ADAMTS20: variants seen among roughly 807,000 people sequenced by gnomAD.
ADAMTS20 encodes the protein A disintegrin and metalloproteinase with thrombospondin motifs 20.
In ADAMTS20, 225 loss-of-function variants were observed where a neutral mutation model predicts 260.1. That is an observed-to-expected ratio of 0.87 (90% CI 0.78 to 0.97). The LOEUF (loss-of-function observed/expected upper bound fraction) is 0.97. Among genes scored for constraint, ADAMTS20 ranks in the 50% least tolerant of loss-of-function variants. The pLI is 0.00. For synonymous variants in ADAMTS20, 802 were observed against 769.5 expected, an observed-to-expected ratio of 1.04 and a Z score of -0.70; for missense variants, 2,400 against 2,337.7, an observed-to-expected ratio of 1.03 and a Z score of -0.55.
Position 43,354,122 on chromosome 12 carries a change from A to G in ADAMTS20, c.*87T>C. 5 of 1,010,486 alleles carry G rather than the reference A, an allele frequency of 4.9e-6. No individual in the cohort carries two copies. The highest frequency in any genetic ancestry group is 1.6e-5 in the African/African-American group (1 of 60,908). 62.6% of individuals were successfully genotyped at this position (1,010,486 alleles called of 1,614,324 possible). A position where few individuals can be genotyped will look rare whatever the true frequency, so the allele number is the denominator to read the frequency against. On this transcript the variant is annotated 3_prime_UTR_variant, in exon 39 of 39. Coordinates refer to ENST00000389420, the MANE Select transcript of ADAMTS20 (RefSeq NM_025003.5). ...ACATATTGGACATGGAAATCTCGGG[A>G]AGGGAGATATAAAGAAATGAGCACC...
chr12:43,469,816 T>C (rs1394684956), intron 7 of ADAMTS20, among the ~76,000 whole-genome samples: 1 of 152,180 alleles, frequency 6.6e-6, no homozygotes, highest in Non-Finnish European at 1.5e-5. Flanking sequence ...AACTAGAATG[T>C]TTTTGTTGTG....
chr12:43,431,341 T>G lies in ADAMTS20; in HGVS notation c.3252A>C (p.Pro1084=). 1 of 1,613,738 alleles carries G rather than the reference T, an allele frequency of 6.2e-7. No homozygotes were observed. The highest frequency in any genetic ancestry group is 8.5e-7 in the Non-Finnish European group (1 of 1,179,706). ...LHTCASWQVG[P]WGPCTTTCGH... ...CATATCATATACTCACAGGACCCCA[T>G]GGTCCTACTTGCCAGGAAGCACATG... The change falls in exon 22 of 39, where the codon CCA becomes CCC. Residue 1084 remains proline (P), a synonymous_variant. Transcript: ENST00000389420.
chr12:43,380,349 A>G (rs1019136262), intron 31 of ADAMTS20, among the ~76,000 whole-genome samples: 5 of 149,778 alleles, frequency 3.3e-5, no homozygotes, highest in Non-Finnish European at 7.4e-5. Context: ...TAGGAAAACT[A>G]AAAGTTTTCC....
intron 28 of ADAMTS20, among the ~76,000 whole-genome samples, chr12:43,416,125 T>C (rs1941124585): frequency 6.6e-6 from 1 of 152,160 alleles, no homozygotes; most frequent in Non-Finnish European, 1.5e-5. Context: ...CAATCACTCC[T>C]CCACTGGCTT....
intron 3 of ADAMTS20, among the ~76,000 whole-genome samples, chr12:43,524,359 A>G (rs995728990): frequency 1.3e-5 from 2 of 151,980 alleles, no homozygotes; most frequent in South Asian, 2.1e-4. Flanking sequence ...AAAAACACAA[A>G]TCAAAAATAA....
chr12:43,526,548 C>A (rs1943146415), intron 3 of ADAMTS20, among the ~76,000 whole-genome samples: 1 of 152,150 alleles, frequency 6.6e-6, no homozygotes, highest in South Asian at 2.1e-4. Flanking sequence ...CTAAACTACA[C>A]AAATACATGG....
In ADAMTS20 at chr12:43,428,755, G is replaced by C. The variant is rs748562594; in HGVS notation, c.3534C>G (p.Ser1178Arg). The change falls in exon 25 of 39, where the codon AGC (serine) becomes AGG (arginine). Residue 1178 changes from serine to arginine, a missense_variant. Physicochemically the swap from Ser to Arg is moderately radical, Grantham distance 110 (BLOSUM62 -1). Transcript: ENST00000389420. The part of the protein sequence containing the change: ...CGRGTQARYV[S>R]CRDALDRIAD... ...CTATTCTATCAAGAGCATCACGACA[G>C]CTTACATAGCGGGCTTGAGTACCTC... 4 of 1,610,448 alleles carry C rather than the reference G, an allele frequency of 2.5e-6. No homozygotes were observed. The African/African-American group carries it at 5.3e-5, about 22-fold the overall frequency.
intron 28 of ADAMTS20, among the ~76,000 whole-genome samples, chr12:43,411,357 T>TGTTC (rs930796371): frequency 3.3e-4 from 31 of 94,306 alleles, no homozygotes; most frequent in African/African-American, 1.4e-3. Context: ...ATCTGTTGTT[T>TGTTC]GTTTGTTTGT....
intron 7 of ADAMTS20, among the ~76,000 whole-genome samples, chr12:43,477,280 G>T (rs149989332): frequency 5.3e-5 from 8 of 152,126 alleles, no homozygotes; most frequent in African/African-American, 1.9e-4. Context: ...AAAATAGTAA[G>T]AAATGACAGA....
chr12:43,409,446 CA>C (rs1940983342), intron 28 of ADAMTS20, among the ~76,000 whole-genome samples: 1 of 149,998 alleles, frequency 6.7e-6, no homozygotes, highest in Non-Finnish European at 1.5e-5. Flanking sequence ...ACTAAAAATA[CA>C]AAAAATTAGC....
chr12:43,362,266 A>C (rs950327359), intron 37 of ADAMTS20, among the ~76,000 whole-genome samples: 3 of 152,220 alleles, frequency 2.0e-5, no homozygotes, highest in African/African-American at 7.2e-5. Flanking sequence ...CACATCCTTG[A>C]CTTAAGAACA....
At chr12:43,449,676 G>T (rs551983334) in intron 14 of ADAMTS20, among the ~76,000 whole-genome samples, 1 of 152,158 alleles carries the variant, frequency 6.6e-6, no homozygotes, top group East Asian at 1.9e-4. Flanking sequence ...TAAGCATGGT[G>T]CTTTAAAGTT....
intron 28 of ADAMTS20, among the ~76,000 whole-genome samples, chr12:43,418,946 A>G (rs1233138326): frequency 1.3e-5 from 2 of 152,176 alleles, no homozygotes; most frequent in Admixed American, 1.3e-4. Flanking sequence ...TTTGTGAGGT[A>G]TATTTTTCAG....
intron 3 of ADAMTS20, among the ~76,000 whole-genome samples, chr12:43,519,819 T>C (rs1943047341): frequency 6.6e-6 from 1 of 152,188 alleles, no homozygotes; most frequent in South Asian, 2.1e-4. Context: ...ATTTATCTTA[T>C]TTGCTGTTGT....
chr12:43,400,711 C>T (rs1288374352), intron 28 of ADAMTS20, among the ~76,000 whole-genome samples: 2 of 150,804 alleles, frequency 1.3e-5, no homozygotes, highest in African/African-American at 4.9e-5. Context: ...CTATTCTATA[C>T]TAAAAAAAAA....
intron 4 of ADAMTS20, among the ~76,000 whole-genome samples, chr12:43,501,845 T>G (rs1207738715): frequency 6.6e-6 from 1 of 152,136 alleles, no homozygotes; most frequent in African/African-American, 2.4e-5. Context: ...AAAAGATCAA[T>G]GCAACTAGGA....
chr12:43,429,083 T>C (rs894970272), intron 24 of ADAMTS20, among the ~76,000 whole-genome samples: 1 of 152,050 alleles, frequency 6.6e-6, no homozygotes, highest in Non-Finnish European at 1.5e-5. Context: ...AAATTAAAGA[T>C]ACTTAAAATA....
At chr12:43,537,519 A>C (rs576900897) in intron 2 of ADAMTS20, among the ~76,000 whole-genome samples, 3 of 152,278 alleles carry the variant, frequency 2.0e-5, no homozygotes, top group Admixed American at 6.5e-5. Context: ...TTTGAGTTAC[A>C]AAAAATCCAA....
At chr12:43,525,638 A>G (rs894726697) in intron 3 of ADAMTS20, among the ~76,000 whole-genome samples, 2 of 152,210 alleles carry the variant, frequency 1.3e-5, no homozygotes, top group East Asian at 1.9e-4. Context: ...GACTCACCTA[A>G]CACAAGGATT....
Sources: allele counts gnomAD v4.1 joint callset (sites outside exome capture counted in the v4.1 genomes callset), GRCh38; gene constraint gnomAD v4.1.1; transcripts MANE v1.5; gene names NCBI Gene and HGNC (gene_info 2026-07-23, HGNC 2026-07-21).